ADAR: variants seen among roughly 807,000 people sequenced by gnomAD.
ADAR encodes the protein adenosine deaminase RNA specific.
ADAR carries 41 observed loss-of-function variants against 113.2 expected under a neutral mutation model. That is an observed-to-expected ratio of 0.36 (90% CI 0.28 to 0.47). The LOEUF is 0.47. Ranked by LOEUF, ADAR falls within the 20% of genes least tolerant of loss-of-function variation. ADAR has a pLI of 1.00. For missense variants in ADAR, 1,242 were observed against 1,540.9 expected (o/e 0.81, Z 3.25); for synonymous variants, 605 against 572.6 (o/e 1.06, Z -0.81).
chr1:154,602,303 T>C lies in ADAR; in HGVS notation c.339A>G (p.Pro113=). ...CTCTCTGTGGCAGACTCCTGCCACGTGGTGAAGGATGCTGGAACCCTCTCT... is the reference window on the plus strand; with the variant it reads ...CTCTCTGTGGCAGACTCCTGCCACGCGGTGAAGGATGCTGGAACCCTCTCT... The part of the protein sequence containing the change: ...GLQRGFQHPS[P]RGRSLPQRGV... Residue 113 remains proline (P), a synonymous_variant, in exon 2 of 15, where the codon CCA becomes CCG. Coordinates refer to ENST00000368474, the MANE Select transcript of ADAR (RefSeq NM_001111.5). The C allele has an allele frequency of 6.2e-7, 1 of 1,613,752 alleles. No individual in the cohort carries two copies. The highest frequency in any genetic ancestry group is 8.5e-7 in the Non-Finnish European group (1 of 1,179,810).
chr1:154,588,056 T>C (rs1696879619), intron 11 of ADAR, 69 bp downstream of exon 11: 1 of 1,605,082 alleles, frequency 6.2e-7, no homozygotes, highest in Non-Finnish European at 8.5e-7. Flanking sequence ...AGCAGCCTTG[T>C]AGAGACTTGG....
At chr1:154,626,189 A>G (rs1045423796) in intron 1 of ADAR, among the ~76,000 whole-genome samples, 12 of 146,334 alleles carry the variant, frequency 8.2e-5, no homozygotes, top group Non-Finnish European at 1.5e-4. Context: ...ATATTGGCTC[A>G]CTGCAACCTC....
At chr1:154,590,151 C>CCG (rs1553209456) in intron 7 of ADAR, 33 bp downstream of exon 7, 11 of 1,328,354 alleles carry the variant, frequency 8.3e-6, no homozygotes, top group African/African-American at 1.5e-5. Context: ...ACCCCCCCGC[C>CCG]CCAAAAAAGG....
chr1:154,589,494 A>T (rs1285344626), intron 8 of ADAR, 32 bp from the exon 9 acceptor site: 1 of 1,564,788 alleles, frequency 6.4e-7, no homozygotes, highest in East Asian at 2.2e-5. Context: ...AAATAGAATA[A>T]TGGAAGGAAA....
At chr1:154,613,036 C>T (rs991653592), upstream of ADAR, among the ~76,000 whole-genome samples, 5 of 151,998 alleles carry the variant, frequency 3.3e-5, no homozygotes, top group Non-Finnish European at 5.9e-5. Flanking sequence ...TGGTCTCAAT[C>T]TCCTGACTTC....
intron 3 of ADAR, 56 bp from the exon 4 acceptor site, chr1:154,598,032 A>C: frequency 6.3e-7 from 1 of 1,577,308 alleles, no homozygotes; most frequent in Non-Finnish European, 8.6e-7. Flanking sequence ...TGGTTAGTCC[A>C]TCACAGAAGA....
chr1:154,593,454 G>C (rs748444222), intron 6 of ADAR, among the ~76,000 whole-genome samples: 3 of 152,116 alleles, frequency 2.0e-5, no homozygotes, highest in Non-Finnish European at 2.9e-5. Context: ...GCAATTTTTT[G>C]TATCTTCCAT....
chr1:154,588,119 A>G lies in ADAR; in HGVS notation c.3019+6T>C. 1 of 1,613,400 alleles carries G rather than the reference A, an allele frequency of 6.2e-7. No homozygotes were observed. The highest frequency in any genetic ancestry group is 1.3e-5 in the African/African-American group (1 of 74,974). ...AGGAAAGGAGGCGGGGGCATGTATC[A>G]CTCACCGTTCTCCACCTTGGTGCGG... On this transcript the variant is annotated splice_donor_region_variant and intron_variant, in intron 11 of 14. Coordinates refer to ENST00000368474, the MANE Select transcript of ADAR (RefSeq NM_001111.5).
At chr1:154,595,490 A>G (rs903156251) in intron 6 of ADAR, among the ~76,000 whole-genome samples, 1 of 152,292 alleles carries the variant, frequency 6.6e-6, no homozygotes, top group Admixed American at 6.5e-5. Context: ...TTTCAACAAA[A>G]AAGTTTAAAA....
At chr1:154,618,008 A>G (rs1388437320) in intron 1 of ADAR, among the ~76,000 whole-genome samples, 1 of 151,602 alleles carries the variant, frequency 6.6e-6, no homozygotes, top group Non-Finnish European at 1.5e-5. Flanking sequence ...TAAGAGAAAC[A>G]TATAAAACAC....
rs764887298 is a variant in ADAR, at chr1:154,602,345, G to A, written c.297C>T (p.Leu99=). Residue 99 remains leucine, a synonymous_variant, in exon 2 of 15, where the codon CTC becomes CTT. Coordinates refer to ENST00000368474, the MANE Select transcript of ADAR (RefSeq NM_001111.5). The part of the protein sequence containing the change: ...DIRGVPRGVH[L]RSQGLQRGFQ... ...ACCCTCTCTGGAGCCCCTGACTTCT[G>A]AGATGCACGCCCCTGGGGACACCCC... 6 of 1,608,958 alleles carry A rather than the reference G, an allele frequency of 3.7e-6. No homozygotes were observed. Among genetic ancestry groups the A allele is most frequent in the Admixed American group, 1.7e-5 (1 of 59,628 alleles).
intron 1 of ADAR, among the ~76,000 whole-genome samples, chr1:154,622,009 C>T (rs755686322): frequency 2.0e-4 from 31 of 152,120 alleles, no homozygotes; most frequent in Non-Finnish European, 2.9e-5. Context: ...AGGGTTCCCA[C>T]AGATAAGGCA....
chr1:154,608,145 A>T lies in ADAR; in HGVS notation c.-139T>A. The stretch of plus-strand genomic sequence containing the variant: ...TGGCCCCGGGGCGTCGGCACGGGAA[A>T]CTCCGCGGGTCTGCGCGCCGGGCCC... On this transcript the variant is annotated 5_prime_UTR_variant, in exon 1 of 15. Transcript: ENST00000368474. The T allele has an allele frequency of 2.7e-6, 3 of 1,119,210 alleles. No homozygotes were observed. The highest frequency in any genetic ancestry group is 2.4e-6 in the Non-Finnish European group (2 of 828,494). The allele number at this position is 1,119,210 out of a possible 1,614,324, so 69.3% of individuals were successfully genotyped here. A position where few individuals can be genotyped will look rare whatever the true frequency, so the allele number is the denominator to read the frequency against.
chr1:154,600,025 C>T (rs1697759770), intron 2 of ADAR, among the ~76,000 whole-genome samples: 1 of 152,174 alleles, frequency 6.6e-6, no homozygotes, highest in Admixed American at 6.5e-5. Flanking sequence ...CTGCCCCAAC[C>T]CACCTGCTCC....
At position 154,607,723 on chromosome 1, in the gene ADAR, ACACACACACG is replaced by A. The variant is rs66550822; in HGVS notation, c.15+259_15+268del. Among the ~76,000 whole-genome samples, 1,631 of 77,468 alleles carry A rather than the reference ACACACACACG, an allele frequency of 0.021. 58 individuals carry two copies. The highest frequency in any genetic ancestry group is 0.17 in the East Asian group (626 of 3,630). The allele number at this position is 77,468 out of a possible 152,430, so 50.8% of individuals were successfully genotyped here. A position where few individuals can be genotyped will look rare whatever the true frequency, so the allele number is the denominator to read the frequency against. On this transcript the variant is annotated intron_variant, in intron 1 of 14. Coordinates refer to ENST00000368474, the MANE Select transcript of ADAR (RefSeq NM_001111.5). Reference sequence around the variant, plus strand: ...ACCAGCAATGCTGCTTGGCAAGACTACACACACACGCACACACACACACACACACTCTCAC... The same window carrying A: ...ACCAGCAATGCTGCTTGGCAAGACTACACACACACACACACACACTCTCAC...
intron 1 of ADAR, among the ~76,000 whole-genome samples, chr1:154,613,362 G>A (rs554177359): frequency 5.9e-5 from 8 of 134,600 alleles, no homozygotes; most frequent in African/African-American, 2.0e-4. Context: ...TCGGCTCACT[G>A]CAACCTCCAC....
At chr1:154,594,416 C>T (rs1557876214) in intron 6 of ADAR, among the ~76,000 whole-genome samples, 1 of 152,196 alleles carries the variant, frequency 6.6e-6, no homozygotes, top group Non-Finnish European at 1.5e-5. Flanking sequence ...TCACCTCTCC[C>T]CTCACTTTAC....
At chr1:154,597,062 AATC>A in intron 5 of ADAR, 58 bp downstream of exon 5, 3 of 1,614,144 alleles carry the variant, frequency 1.9e-6, no homozygotes, top group Non-Finnish European at 2.5e-6. Flanking sequence ...AGTCACTGGC[AATC>A]TTAAACCACT....
At chr1:154,589,518 G>A (rs1696982607) in intron 8 of ADAR, 56 bp from the exon 9 acceptor site, 16 of 1,477,086 alleles carry the variant, frequency 1.1e-5, no homozygotes, top group Non-Finnish European at 1.5e-5. Context: ...ATGGAAAACA[G>A]GATGAAGGCT....
Sources: allele counts gnomAD v4.1 joint callset (sites outside exome capture counted in the v4.1 genomes callset), GRCh38; gene constraint gnomAD v4.1.1; transcripts MANE v1.5; gene names NCBI Gene and HGNC (gene_info 2026-07-23, HGNC 2026-07-21).